Variants in THRAP3 observed in about 807,000 individuals in gnomAD.
The protein encoded by THRAP3 is thyroid hormone receptor associated protein 3.
THRAP3 carries 16 observed loss-of-function variants against 101.0 expected under a neutral mutation model. The ratio of observed to expected loss-of-function variants is 0.16; its 90% CI spans 0.11 to 0.24. The LOEUF (loss-of-function observed/expected upper bound fraction) is 0.24, where lower values mean the gene tolerates loss of function less well. THRAP3 is among the 10% of genes least tolerant of loss of function. The probability of loss-of-function intolerance (pLI) is 1.00; values close to 1 mark genes in which losing one functional copy is unlikely to be tolerated. For synonymous variants in THRAP3, 407 were observed against 422.6 expected (o/e 0.96, Z 0.45); for missense variants, 989 against 1,202.7 (o/e 0.82, Z 2.63).
intron 1 of THRAP3, among the ~76,000 whole-genome samples, chr1:36,254,807 CAG>C (rs1291077536): frequency 2.0e-5 from 3 of 152,088 alleles, no homozygotes. Context: ...TTTTTTAAAA[CAG>C]AAACCATTCT....
chr1:36,233,906 T>C (rs904179028), intron 1 of THRAP3, among the ~76,000 whole-genome samples: 1 of 152,202 alleles, frequency 6.6e-6, no homozygotes, highest in Admixed American at 6.5e-5. Flanking sequence ...ATCAGAACAG[T>C]TGTGCATTTA....
chr1:36,213,904 G>A, the THRAP3 span, among the ~76,000 whole-genome samples: 2 of 77,568 alleles, frequency 2.6e-5, no homozygotes, highest in South Asian at 4.5e-4. Flanking sequence ...AAAGAAAGAA[G>A]GAAAGAGAAA....
intron 9 of THRAP3, among the ~76,000 whole-genome samples, chr1:36,298,317 T>G (rs1191976435): frequency 6.6e-6 from 1 of 151,992 alleles, no homozygotes; most frequent in Non-Finnish European, 1.5e-5. Context: ...ATGGAAGTGG[T>G]AGTACAGTAG....
intron 1 of THRAP3, among the ~76,000 whole-genome samples, chr1:36,228,320 C>A (rs1408883388): frequency 6.6e-6 from 1 of 152,086 alleles, no homozygotes; most frequent in Non-Finnish European, 1.5e-5. Flanking sequence ...AGGGTTCAAG[C>A]GATTCTCCAG....
At chr1:36,236,160 C>T (rs1645085367) in intron 1 of THRAP3, among the ~76,000 whole-genome samples, 1 of 150,128 alleles carries the variant, frequency 6.7e-6, no homozygotes, top group Non-Finnish European at 1.5e-5. Flanking sequence ...GCAGAGGTTG[C>T]AGTGAGCCGA....
the THRAP3 span, among the ~76,000 whole-genome samples, chr1:36,215,384 C>G: frequency 6.6e-6 from 1 of 152,310 alleles, no homozygotes; most frequent in East Asian, 1.9e-4. Flanking sequence ...GAGTCAATGG[C>G]AGACCTAACA....
intron 3 of THRAP3, among the ~76,000 whole-genome samples, chr1:36,283,186 G>C (rs1016080471): frequency 6.6e-6 from 1 of 152,176 alleles, no homozygotes; most frequent in Non-Finnish European, 1.5e-5. Flanking sequence ...TTACTAACAA[G>C]CTGCATCTGT....
At chr1:36,234,827 T>G (rs1432077576) in intron 1 of THRAP3, among the ~76,000 whole-genome samples, 1 of 146,030 alleles carries the variant, frequency 6.8e-6, no homozygotes, top group East Asian at 2.0e-4. Flanking sequence ...TTTTTTTTTT[T>G]TTTTTGAGAT....
chr1:36,300,485 G>A (rs116666788), intron 9 of THRAP3, among the ~76,000 whole-genome samples: 2,718 of 152,286 alleles, frequency 0.018, 39 homozygotes, highest in Non-Finnish European at 0.029. Context: ...GTAATAGAAC[G>A]CACTAACAGA....
chr1:36,218,202 T>TA, the THRAP3 span, among the ~76,000 whole-genome samples: 929 of 148,920 alleles, frequency 6.2e-3, 3 homozygotes, highest in African/African-American at 0.01. Flanking sequence ...CTGTCTCTGC[T>TA]AAAAAAAAAT....
At chr1:36,220,967 A>AT (rs1457069843), upstream of THRAP3, among the ~76,000 whole-genome samples, 12 of 136,132 alleles carry the variant, frequency 8.8e-5, no homozygotes, top group African/African-American at 3.2e-4. Context: ...AAAAAAAAAA[A>AT]AAAAAATATA....
chr1:36,209,664 G>A, the THRAP3 span, among the ~76,000 whole-genome samples: 1 of 152,184 alleles, frequency 6.6e-6, no homozygotes. Context: ...TGAGGTCCAG[G>A]CTCTTGCTTC....
intron 1 of THRAP3, among the ~76,000 whole-genome samples, chr1:36,251,952 T>C (rs548529732): frequency 3.0e-4 from 45 of 152,278 alleles, no homozygotes; most frequent in African/African-American, 9.9e-4. Flanking sequence ...AGATGTGCTC[T>C]TATTATTTAT....
chr1:36,226,329 G>A (rs937600270), intron 1 of THRAP3, among the ~76,000 whole-genome samples: 8 of 152,092 alleles, frequency 5.3e-5, no homozygotes, highest in South Asian at 4.1e-4. Context: ...GCACAATCTC[G>A]GCTCACTGCA....
intron 5 of THRAP3, among the ~76,000 whole-genome samples, chr1:36,290,553 C>G (rs1645855169): frequency 6.6e-6 from 1 of 152,158 alleles, no homozygotes; most frequent in Non-Finnish European, 1.5e-5. Context: ...GCAACCTCTG[C>G]TTCTCAGGTT....
At chr1:36,210,239 A>G in the THRAP3 span, among the ~76,000 whole-genome samples, 1 of 151,456 alleles carries the variant, frequency 6.6e-6, no homozygotes, top group Non-Finnish European at 1.5e-5. Context: ...GGTGGCAGGC[A>G]CCTGTAGTCC....
At chr1:36,224,017 A>T (rs1430306055), upstream of THRAP3, among the ~76,000 whole-genome samples, 1 of 152,200 alleles carries the variant, frequency 6.6e-6, no homozygotes, top group Non-Finnish European at 1.5e-5. Flanking sequence ...CAAGGTCACA[A>T]AGCGGAAGGG....
Position 36,241,166 on chromosome 1 carries a change from C to T in THRAP3, c.-135+16661C>T, listed in dbSNP as rs1246371342. 2.9e-5 allele frequency among the ~76,000 whole-genome samples: 4 copies of T among 139,302 alleles called. No homozygotes were observed. In the East Asian group the frequency reaches 8.3e-4, roughly 29 times the overall value. The allele number at this position is 139,302 out of a possible 152,430, so 91.4% of individuals were successfully genotyped here. ...AGCTTGCAGTGAGCCGAGATCGGGC[C>T]TGGGCGACAGTGCAAGACTCCGTTT... On this transcript the variant is annotated intron_variant, in intron 1 of 11. Coordinates refer to ENST00000354618, the MANE Select transcript of THRAP3 (RefSeq NM_005119.4).
intron 9 of THRAP3, 123 bp from the exon 10 acceptor site, chr1:36,300,763 C>CTCA: frequency 1.1e-6 from 1 of 929,410 alleles, no homozygotes. Context: ...TATAAGGTTA[C>CTCA]TCATCATCAG....
Sources: allele counts gnomAD v4.1 joint callset (sites outside exome capture counted in the v4.1 genomes callset), GRCh38; gene constraint gnomAD v4.1.1; transcripts MANE v1.5; gene names NCBI Gene and HGNC (gene_info 2026-07-23, HGNC 2026-07-21).